HDGFL2: variants seen among roughly 807,000 people sequenced by gnomAD.
HDGFL2 encodes hepatoma-derived growth factor-related protein 2.
A neutral mutation model predicts 77.1 loss-of-function variants in HDGFL2; 36 were observed. The observed-to-expected ratio is 0.47, with a 90% CI of 0.36 to 0.62. The LOEUF (loss-of-function observed/expected upper bound fraction) is 0.62. HDGFL2 is among the 20% of genes least tolerant of loss of function. The pLI, the probability that HDGFL2 is intolerant of heterozygous loss-of-function variation, is 0.00. For missense variants in HDGFL2, 976 were observed against 973.4 expected, an observed-to-expected ratio of 1.00 and a Z score of -0.04; for synonymous variants, 463 against 413.1, an observed-to-expected ratio of 1.12 and a Z score of -1.46.
At chr19:4,475,208 G>C in intron 1 of HDGFL2, 67 bp from the exon 2 acceptor site, 1 of 1,416,050 alleles carries the variant, frequency 7.1e-7, no homozygotes, top group Non-Finnish European at 9.9e-7. Context: ...CAAGTAACTT[G>C]GCTGATTTCT....
At chr19:4,495,385 CAAAAAAAA>C (rs747305046) in intron 9 of HDGFL2, among the ~76,000 whole-genome samples, 6 of 54,246 alleles carry the variant, frequency 1.1e-4, no homozygotes, top group Admixed American at 5.1e-4. Context: ...GACTCCATCT[CAAAAAAAA>C]AAAAAAAAAA....
intron 12 of HDGFL2, among the ~76,000 whole-genome samples, 187 bp from the exon 13 acceptor site, chr19:4,498,627 T>C (rs1975772286): frequency 6.6e-6 from 1 of 152,012 alleles, no homozygotes; most frequent in Non-Finnish European, 1.5e-5. Context: ...CCCACGTACC[T>C]GGGACCCCAA....
At chr19:4,494,141 C>A in intron 8 of HDGFL2, 25 bp from the exon 9 acceptor site, 1 of 1,489,018 alleles carries the variant, frequency 6.7e-7, no homozygotes, top group East Asian at 2.5e-5. Context: ...GAACGGAGGT[C>A]CCCAACCGCC....
chr19:4,499,543 A>G lies in HDGFL2; in HGVS notation c.1628A>G (p.Tyr543Cys), dbSNP rs1975798788. The change falls in exon 14 of 16, where the codon TAT (tyrosine) becomes TGT (cysteine). Residue 543 changes from tyrosine (Y) to cysteine (C), a missense_variant. Physicochemically the swap from Tyr to Cys is radical, Grantham distance 194. Coordinates refer to ENST00000616600, the MANE Select transcript of HDGFL2 (RefSeq NM_001001520.3). ...KDVMEKAAEV[Y>C]TRLKSRVLGP... ...GTAATGGAGAAGGCAGCAGAAGTCTATACCCGGCTCAAGTCGCGGGTCCTC... is the reference window on the plus strand; with the variant it reads ...GTAATGGAGAAGGCAGCAGAAGTCTGTACCCGGCTCAAGTCGCGGGTCCTC... The G allele has an allele frequency of 5.0e-6, 8 of 1,613,808 alleles. No individual in the cohort carries two copies. The highest frequency in any genetic ancestry group is 6.8e-6 in the Non-Finnish European group (8 of 1,179,970).
rs71168907 is a variant in HDGFL2 at position 4,484,666 on chromosome 19, ATTTT to A, written c.289-3990_289-3987del. Among the ~76,000 whole-genome samples the A allele has an allele frequency of 3.6e-4, 27 of 74,108 alleles. 2 individuals carry two copies. Among genetic ancestry groups the A allele is most frequent in the Admixed American group, 2.0e-3 (11 of 5,408 alleles). 48.6% of individuals were successfully genotyped at this position (74,108 alleles called of 152,430 possible). On this transcript the variant is annotated intron_variant, in intron 3 of 15. Coordinates refer to ENST00000616600, the MANE Select transcript of HDGFL2 (RefSeq NM_001001520.3). ...AGGCACCCGCCATCACGCCTGGCTA[ATTTT>A]TTTTTTTTTTTTTTTTTTTGACACG...
chr19:4,502,157 G>GTGAT lies in HDGFL2; in HGVS notation c.*149_*152dup, dbSNP rs1975926825. The GTGAT allele has an allele frequency of 4.3e-6, 3 of 699,416 alleles. No homozygotes were observed. Among genetic ancestry groups the GTGAT allele is most frequent in the East Asian group, 2.7e-5 (1 of 37,138 alleles). The allele number at this position is 699,416 out of a possible 1,614,324, so 43.3% of individuals were successfully genotyped here. Reference sequence around the variant, plus strand: ...GGTTTTTTTTTCCTGCCTAATTTCTGTGATTTCCAACCAACATGAAATGAC... The same window carrying GTGAT: ...GGTTTTTTTTTCCTGCCTAATTTCTGTGATTGATTTCCAACCAACATGAAATGAC... On this transcript the variant is annotated 3_prime_UTR_variant, in exon 16 of 16. Coordinates refer to ENST00000616600, the MANE Select transcript of HDGFL2 (RefSeq NM_001001520.3).
At chr19:4,501,121 T>C (rs1321098465) in intron 14 of HDGFL2, 70 bp from the exon 15 acceptor site, 1 of 1,598,700 alleles carries the variant, frequency 6.3e-7, no homozygotes, top group Non-Finnish European at 8.5e-7. Context: ...GTCCAGTCCT[T>C]GACAGGCAAG....
chr19:4,497,747 T>C, intron 10 of HDGFL2: 1 of 568,932 alleles, frequency 1.8e-6, no homozygotes, highest in Non-Finnish European at 3.1e-6. Flanking sequence ...AAAAGGCTTG[T>C]ATCTTTGGGC....
In HDGFL2 at chr19:4,488,739, G is replaced by A. The variant is rs770607212; in HGVS notation, c.352G>A (p.Glu118Lys). 1.4e-5 allele frequency: 21 copies of A among 1,553,344 alleles called. No homozygotes were observed. In the East Asian group the frequency reaches 2.9e-4, roughly 22 times the overall value. ...ANPADGSDAD[E>K]DDEDRGVMAV... is the part of the protein sequence containing the mutation. The stretch of plus-strand genomic sequence containing the variant: ...CCCCGCCGACGGCAGTGACGCTGAC[G>A]AGGACGATGAGGACCGGGGGGTCAT... Residue 118 changes from glutamate (E) to lysine (K), a missense_variant, in exon 4 of 16, where the codon GAG becomes AAG. This residue lies in a region of HDGFL2 where 103 missense variants were observed against 145.7 expected (regional missense o/e 0.71). Coordinates refer to ENST00000616600, the MANE Select transcript of HDGFL2 (RefSeq NM_001001520.3).
At position 4,493,815 on chromosome 19, in the gene HDGFL2, C is replaced by T; in HGVS notation, c.791C>T (p.Ser264Phe). 3 of 1,536,524 alleles carry T rather than the reference C, an allele frequency of 2.0e-6. No homozygotes were observed. The highest frequency in any genetic ancestry group is 2.0e-5 in the Admixed American group (1 of 49,708). The change falls in exon 7 of 16, where the codon TCC becomes TTC. Residue 264 changes from serine to phenylalanine, a missense_variant. Ser to Phe is a radical substitution (Grantham distance 155). This residue lies in a region of HDGFL2 where 567 missense variants were observed against 534.7 expected (regional missense o/e 1.06). Coordinates refer to ENST00000616600, the MANE Select transcript of HDGFL2 (RefSeq NM_001001520.3). ...ASSSSSSSSS[S>F]DSDVSVKKPP... Reference sequence around the variant, plus strand: ...TCCTCCTCCTCTTCCTCCTCCTCCTCCGACTCCGATGTGTCTGTGAAGAAG... The same window carrying T: ...TCCTCCTCCTCTTCCTCCTCCTCCTTCGACTCCGATGTGTCTGTGAAGAAG...
chr19:4,499,345 C>CAA (rs371672305), intron 13 of HDGFL2, 146 bp from the exon 14 acceptor site: 12,778 of 578,826 alleles, frequency 0.022, no homozygotes, highest in Non-Finnish European at 0.027. Context: ...GACTCTGTCT[C>CAA]AAAAAAAAAA....
chr19:4,488,952 CTTTTTTT>C, intron 4 of HDGFL2, 76 bp downstream of exon 4: 38 of 706,426 alleles, frequency 5.4e-5, no homozygotes, highest in East Asian at 8.9e-5. Flanking sequence ...CTCTCCTGCC[CTTTTTTT>C]TTTTTTTTTT....
chr19:4,478,789 C>T (rs1367292348), intron 3 of HDGFL2, among the ~76,000 whole-genome samples: 1 of 151,172 alleles, frequency 6.6e-6, no homozygotes, highest in Admixed American at 6.6e-5. Flanking sequence ...TTAAGTGATT[C>T]TTCTTCTGCC....
intron 9 of HDGFL2, among the ~76,000 whole-genome samples, chr19:4,495,787 G>A (rs957605588): frequency 6.6e-6 from 1 of 152,056 alleles, no homozygotes; most frequent in African/African-American, 2.4e-5. Context: ...GGCCTCCTAG[G>A]GTGGTGACTG....
rs753439818 is a variant in HDGFL2 at position 4,499,716 on chromosome 19, G to T, written c.1789+12G>T. Reference sequence around the variant, plus strand: ...CAAGCCCAGCACCGGTGAGGGGCGGGTGGGGTGGGCCCTGTACCTCAGTCT... The same window carrying T: ...CAAGCCCAGCACCGGTGAGGGGCGGTTGGGGTGGGCCCTGTACCTCAGTCT... On this transcript the variant is annotated intron_variant, in intron 14 of 15. Coordinates refer to ENST00000616600, the MANE Select transcript of HDGFL2 (RefSeq NM_001001520.3). 2.0e-6 allele frequency: 3 copies of T among 1,521,286 alleles called. No homozygotes were observed. Among genetic ancestry groups the T allele is most frequent in the South Asian group, 1.2e-5 (1 of 83,928 alleles). 94.2% of individuals were successfully genotyped at this position (1,521,286 alleles called of 1,614,324 possible).
At chr19:4,472,709 C>T (rs1015526180) in intron 1 of HDGFL2, among the ~76,000 whole-genome samples, 3 of 150,372 alleles carry the variant, frequency 2.0e-5, no homozygotes, top group Non-Finnish European at 3.0e-5. Flanking sequence ...CAGGGAGCCC[C>T]GCCCTCGGGG....
chr19:4,488,784 G>T lies in HDGFL2; in HGVS notation c.397G>T (p.Ala133Ser), dbSNP rs756983810. The T allele has an allele frequency of 4.5e-6, 7 of 1,551,824 alleles. No homozygotes were observed. The Admixed American group carries it at 1.2e-4, about 26-fold the overall frequency. ...GGTCATGGCCGTCACAGCGGTAACC[G>T]CCACAGCTGCCAGCGACAGGATGGA... ...RGVMAVTAVTATAASDRMESD... is the reference protein window; with the variant it reads ...RGVMAVTAVTSTAASDRMESD... Residue 133 changes from alanine (A) to serine (S), a missense_variant, in exon 4 of 16, where the codon GCC becomes TCC. Physicochemically the swap from Ala to Ser is moderately conservative, Grantham distance 99 (BLOSUM62 1). This residue lies in a region of HDGFL2 where 567 missense variants were observed against 534.7 expected (regional missense o/e 1.06). Coordinates refer to ENST00000616600, the MANE Select transcript of HDGFL2 (RefSeq NM_001001520.3).
chr19:4,489,334 C>G (rs1599713035), intron 4 of HDGFL2, among the ~76,000 whole-genome samples: 1 of 151,646 alleles, frequency 6.6e-6, no homozygotes, highest in African/African-American at 2.4e-5. Flanking sequence ...GCTCACTGCA[C>G]CCTCTGCCAC....
chr19:4,488,952 C>CTTTT (rs34663282), intron 4 of HDGFL2, 76 bp downstream of exon 4: 218 of 706,636 alleles, frequency 3.1e-4, no homozygotes, highest in Non-Finnish European at 4.0e-4. Context: ...CTCTCCTGCC[C>CTTTT]TTTTTTTTTT....
Sources: gnomAD v4.1 joint callset for allele counts (sites outside exome capture counted in the v4.1 genomes callset) on GRCh38, gnomAD v4.1.1 for gene constraint, gnomAD v4.1.1 regional missense constraint, MANE v1.5 for transcripts, NCBI Gene and HGNC (gene_info 2026-07-23, HGNC 2026-07-21) for gene names.